FANCL: variants seen among roughly 807,000 people sequenced by gnomAD.
FANCL encodes the protein E3 ubiquitin-protein ligase FANCL.
A neutral mutation model predicts 59.4 loss-of-function variants in FANCL; 69 were observed. The ratio of observed to expected loss-of-function variants is 1.16; its 90% CI spans 0.96 to 1.42. FANCL has a LOEUF of 1.42. FANCL is among the 40% of genes most tolerant of loss of function. FANCL has a pLI of 0.00. For missense variants in FANCL, 519 were observed against 447.2 expected (o/e 1.16, Z -1.45); for synonymous variants, 180 against 147.1 (o/e 1.22, Z -1.62).
At chr2:58,191,464 CAG>C (rs1355825022) in intron 7 of FANCL, among the ~76,000 whole-genome samples, 1 of 151,710 alleles carries the variant, frequency 6.6e-6, no homozygotes, top group Non-Finnish European at 1.5e-5. Context: ...TGAAACCAAA[CAG>C]TATTTCTCTC....
At position 58,165,955 on chromosome 2, in the gene FANCL, T is replaced by C. The variant is rs564462340; in HGVS notation, c.541-81A>G. 5.0e-5 allele frequency: 72 copies of C among 1,426,558 alleles called. 1 individual carries two copies. In the East Asian group the frequency reaches 1.6e-3, roughly 32 times the overall value. The allele number at this position is 1,426,558 out of a possible 1,614,324, so 88.4% of individuals were successfully genotyped here. ...ATCTTTTACTTAAAATACACTCAATTTAGAAATTTTAAGCTGTTTCATTTT... is the reference window on the plus strand; with the variant it reads ...ATCTTTTACTTAAAATACACTCAATCTAGAAATTTTAAGCTGTTTCATTTT... On this transcript the variant is annotated intron_variant, in intron 7 of 13. Coordinates refer to ENST00000233741, the MANE Select transcript of FANCL (RefSeq NM_018062.4).
chr2:58,210,799 C>T (rs1691066048), intron 5 of FANCL, among the ~76,000 whole-genome samples: 1 of 152,180 alleles, frequency 6.6e-6, no homozygotes, highest in Non-Finnish European at 1.5e-5. Flanking sequence ...GCAGGGCAAT[C>T]AAATCTTAAA....
chr2:58,238,091 G>A (rs147542926), intron 1 of FANCL, among the ~76,000 whole-genome samples: 5 of 152,286 alleles, frequency 3.3e-5, no homozygotes, highest in African/African-American at 1.2e-4. Context: ...TGACCAACTG[G>A]CAGCCCAGGA....
At chr2:58,219,204 A>ATC (rs1553454012) in intron 5 of FANCL, among the ~76,000 whole-genome samples, 15 of 129,078 alleles carry the variant, frequency 1.2e-4, no homozygotes, top group African/African-American at 3.3e-4. Context: ...ATATATATAT[A>ATC]TCCACAATGA....
chr2:58,229,641 G>A (rs1693379910), intron 3 of FANCL, among the ~76,000 whole-genome samples, 173 bp downstream of exon 3: 2 of 152,126 alleles, frequency 1.3e-5, no homozygotes, highest in Admixed American at 1.3e-4. Context: ...AAGGCTGCCT[G>A]GAGATCTCCT....
intron 7 of FANCL, among the ~76,000 whole-genome samples, chr2:58,169,647 G>T (rs900521059): frequency 6.6e-6 from 1 of 151,718 alleles, no homozygotes; most frequent in Non-Finnish European, 1.5e-5. Context: ...AGGAAGCTAA[G>T]AACCTTGAAA....
intron 7 of FANCL, among the ~76,000 whole-genome samples, chr2:58,179,768 A>T: frequency 6.6e-6 from 1 of 152,196 alleles, no homozygotes; most frequent in Non-Finnish European, 1.5e-5. Flanking sequence ...ACAGCAAAAG[A>T]AACTATCATT....
chr2:58,236,473 A>C (rs201860343), intron 1 of FANCL, among the ~76,000 whole-genome samples: 65 of 151,554 alleles, frequency 4.3e-4, no homozygotes, highest in East Asian at 3.9e-3. Context: ...TTAAAAAAAA[A>C]ACACACACAC....
intron 7 of FANCL, among the ~76,000 whole-genome samples, chr2:58,193,404 T>C (rs895848614): frequency 6.6e-6 from 1 of 152,056 alleles, no homozygotes; most frequent in Admixed American, 6.6e-5. Context: ...AGAATCAATA[T>C]AGGCTGCTTT....
intron 7 of FANCL, among the ~76,000 whole-genome samples, chr2:58,177,573 T>A (rs955253352): frequency 6.7e-5 from 9 of 133,566 alleles, no homozygotes; most frequent in African/African-American, 2.3e-4. Context: ...TAGGTGGGAA[T>A]TGAACAATGA....
intron 7 of FANCL, among the ~76,000 whole-genome samples, chr2:58,181,092 G>A (rs372900953): frequency 9.2e-5 from 14 of 152,082 alleles, no homozygotes; most frequent in Non-Finnish European, 1.5e-4. Flanking sequence ...TAAAAATACC[G>A]TTACCGGAAT....
Position 58,223,001 on chromosome 2 carries a change from A to G in FANCL, c.274-959T>C, listed in dbSNP as rs969219609. Reference sequence around the variant, plus strand: ...ATGTTTAATCTTATTTTTTAAGTATATATCAATTTTTTTTAACCAGGATAG... The same window carrying G: ...ATGTTTAATCTTATTTTTTAAGTATGTATCAATTTTTTTTAACCAGGATAG... On this transcript the variant is annotated intron_variant, in intron 4 of 13. Transcript: ENST00000233741. Among the ~76,000 whole-genome samples, 6 of 143,484 alleles carry G rather than the reference A, an allele frequency of 4.2e-5. No homozygotes were observed. In the South Asian group the frequency reaches 6.3e-4, roughly 15 times the overall value. The allele number at this position is 143,484 out of a possible 152,430, so 94.1% of individuals were successfully genotyped here.
intron 4 of FANCL, among the ~76,000 whole-genome samples, chr2:58,225,029 T>C (rs73944839): frequency 0.03 from 4,529 of 151,874 alleles, 243 homozygotes; most frequent in African/African-American, 0.1. Context: ...TGATTACAGT[T>C]ACGGAATAAA....
At chr2:58,165,162 CATG>C (rs894290165) in intron 8 of FANCL, among the ~76,000 whole-genome samples, 16 of 152,102 alleles carry the variant, frequency 1.1e-4, no homozygotes, top group Admixed American at 2.0e-4. Context: ...TAGTCGAGAA[CATG>C]ATAACATTGC....
At chr2:58,229,392 C>T (rs1035240915) in intron 3 of FANCL, among the ~76,000 whole-genome samples, 4 of 152,282 alleles carry the variant, frequency 2.6e-5, no homozygotes, top group Admixed American at 6.5e-5. Flanking sequence ...TATCTCCCCT[C>T]ATTATGCAAG....
chr2:58,194,365 T>C (rs1282512381), intron 7 of FANCL: 9 of 465,428 alleles, frequency 1.9e-5, no homozygotes, highest in Admixed American at 1.4e-4. Flanking sequence ...GTCAAGAGTA[T>C]TTACACATCT....
chr2:58,185,376 T>C (rs1374355198), intron 7 of FANCL, among the ~76,000 whole-genome samples: 1 of 152,136 alleles, frequency 6.6e-6, no homozygotes, highest in Non-Finnish European at 1.5e-5. Context: ...TCTGTGTTAA[T>C]GCACCTGAAA....
chr2:58,207,874 C>T (rs546816794), intron 5 of FANCL, among the ~76,000 whole-genome samples: 1 of 152,106 alleles, frequency 6.6e-6, no homozygotes, highest in Admixed American at 6.6e-5. Context: ...CTGGGCGACA[C>T]AGTGAGACCT....
intron 7 of FANCL, among the ~76,000 whole-genome samples, chr2:58,196,661 G>A (rs1376826338): frequency 2.0e-5 from 3 of 151,898 alleles, no homozygotes; most frequent in Non-Finnish European, 2.9e-5. Context: ...GTCACAAACT[G>A]ATTTTGTTAA....
Sources: allele counts gnomAD v4.1 joint callset (sites outside exome capture counted in the v4.1 genomes callset), GRCh38; gene constraint gnomAD v4.1.1; transcripts MANE v1.5; gene names NCBI Gene and HGNC (gene_info 2026-07-23, HGNC 2026-07-21).